The following EFHD1 variants were observed in gnomAD, a reference collection of about 807,000 sequenced individuals.
EFHD1 encodes EF-hand domain-containing protein D1.
A neutral mutation model predicts 17.2 loss-of-function variants in EFHD1; 10 were observed. The ratio of observed to expected loss-of-function variants is 0.58; its 90% CI spans 0.36 to 0.99. The LOEUF is 0.99. EFHD1 is among the 50% of genes least tolerant of loss of function. The pLI is 0.01. For missense variants in EFHD1, 310 were observed against 327.5 expected (o/e 0.95, Z 0.41); for synonymous variants, 153 against 142.0 (o/e 1.08, Z -0.55).
Position 232,615,312 on chromosome 2 carries a change from A to AGTGTGTGTGTGTGT in EFHD1, c.14+9166_14+9179dup, listed in dbSNP as rs35239145. ...CCTGCATTGTTCAAGTGTCAACTAT[A>AGTGTGTGTGTGTGT]GTGTGTGTGTGTGTGTGTGTGTGTG... On this transcript the variant is annotated intron_variant, in intron 1 of 3. Transcript: ENST00000409613. 1.4e-3 allele frequency among the ~76,000 whole-genome samples: 186 copies of AGTGTGTGTGTGTGT among 136,574 alleles called. 1 individual carries two copies. The highest frequency in any genetic ancestry group is 4.5e-3 in the South Asian group (18 of 4,002). 89.6% of individuals were successfully genotyped at this position (136,574 alleles called of 152,430 possible).
At chr2:232,645,666 C>A (rs894305246) in intron 1 of EFHD1, among the ~76,000 whole-genome samples, 1 of 152,150 alleles carries the variant, frequency 6.6e-6, no homozygotes, top group Non-Finnish European at 1.5e-5. Context: ...CATTGGGTAT[C>A]CCTAATGCCA....
In EFHD1 at chr2:232,635,584, C is replaced by T. The variant is rs545279145; in HGVS notation, c.302+1578C>T. Reference sequence around the variant, plus strand: ...CTGTAATCCCAGCACTCTGGGAGGACGAGGCAGGCGGATCACCTGGGGTCA... The same window carrying T: ...CTGTAATCCCAGCACTCTGGGAGGATGAGGCAGGCGGATCACCTGGGGTCA... On this transcript the variant is annotated intron_variant, in intron 1 of 3. Transcript: ENST00000264059. Among the ~76,000 whole-genome samples, 56 of 152,164 alleles carry T rather than the reference C, an allele frequency of 3.7e-4. 1 individual carries two copies. In the South Asian group the frequency reaches 0.011, roughly 29 times the overall value.
intron 1 of EFHD1, among the ~76,000 whole-genome samples, chr2:232,657,763 G>C (rs1015340042): frequency 4.1e-5 from 6 of 148,102 alleles, no homozygotes; most frequent in Non-Finnish European, 8.9e-5. Context: ...AGTGAGCTGA[G>C]ATCGCACCAC....
upstream of EFHD1, among the ~76,000 whole-genome samples, chr2:232,632,928 C>G (rs75852608): frequency 5.0e-3 from 767 of 152,376 alleles, 29 homozygotes; most frequent in East Asian, 0.078. Context: ...GGTTTCTTCT[C>G]TTTTCTTGTG....
chr2:232,624,609 G>A (rs1046727635), intron 1 of EFHD1, among the ~76,000 whole-genome samples: 19 of 152,264 alleles, frequency 1.2e-4, no homozygotes, highest in African/African-American at 4.6e-4. Context: ...GTGCCTGGGG[G>A]CTATCCACTG....
intron 1 of EFHD1, among the ~76,000 whole-genome samples, chr2:232,618,713 A>C (rs1233753648): frequency 2.6e-5 from 3 of 114,638 alleles, no homozygotes; most frequent in African/African-American, 6.7e-5. Flanking sequence ...ACAGAGCAAG[A>C]CTCTGTCTCA....
At chr2:232,626,498 A>G (rs1001129813) in intron 1 of EFHD1, among the ~76,000 whole-genome samples, 3 of 152,134 alleles carry the variant, frequency 2.0e-5, no homozygotes, top group African/African-American at 4.8e-5. Flanking sequence ...CAGTGAGCCA[A>G]TATTGAGCCA....
At chr2:232,633,556 C>A, upstream of EFHD1, 1 of 1,286,360 alleles carries the variant, frequency 7.8e-7, no homozygotes, top group Non-Finnish European at 9.8e-7. Flanking sequence ...CCCCGCCCGC[C>A]AGTCCGTCCT....
intron 3 of EFHD1, among the ~76,000 whole-genome samples, chr2:232,676,695 T>C (rs1007755702): frequency 1.3e-5 from 2 of 152,172 alleles, no homozygotes; most frequent in Non-Finnish European, 2.9e-5. Context: ...AAGATACAAG[T>C]TGAAACCAAG....
intron 2 of EFHD1, among the ~76,000 whole-genome samples, chr2:232,663,364 AT>A (rs1170968998): frequency 1.3e-5 from 2 of 151,814 alleles, no homozygotes; most frequent in Non-Finnish European, 2.9e-5. Context: ...CATGTGATAT[AT>A]TTTATTTATT....
intron 3 of EFHD1, among the ~76,000 whole-genome samples, chr2:232,675,620 G>T (rs921269200): frequency 6.6e-6 from 1 of 152,192 alleles, no homozygotes; most frequent in Non-Finnish European, 1.5e-5. Context: ...GAGCCGTTGA[G>T]TGTTTGAGCA....
intron 1 of EFHD1, among the ~76,000 whole-genome samples, chr2:232,655,802 C>CTTTTTTTTTTTTT (rs66762860): frequency 7.5e-6 from 1 of 133,282 alleles, no homozygotes; most frequent in Non-Finnish European, 1.6e-5. Context: ...TGTGTGGGGT[C>CTTTTTTTTTTTTT]TTTTTTTTTT....
chr2:232,613,222 A>G (rs111269685), intron 1 of EFHD1, among the ~76,000 whole-genome samples: 25,166 of 151,780 alleles, frequency 0.17, 3,007 homozygotes, highest in African/African-American at 0.34. Flanking sequence ...CCAGGAGTTC[A>G]AGACCAGCCT....
At chr2:232,634,411 T>C (rs1383782278) in intron 1 of EFHD1, among the ~76,000 whole-genome samples, 1 of 152,230 alleles carries the variant, frequency 6.6e-6, no homozygotes, top group East Asian at 1.9e-4. Context: ...AATTAGCCCC[T>C]GTTGGCCTTT....
At chr2:232,673,806 G>A (rs1695121800) in intron 3 of EFHD1, among the ~76,000 whole-genome samples, 1 of 151,994 alleles carries the variant, frequency 6.6e-6, no homozygotes. Flanking sequence ...CAGAATCTTG[G>A]CTCACTGCAA....
At chr2:232,619,464 C>A (rs1365801311) in intron 1 of EFHD1, among the ~76,000 whole-genome samples, 1 of 151,702 alleles carries the variant, frequency 6.6e-6, no homozygotes, top group Admixed American at 6.6e-5. Flanking sequence ...GCGCCTGACA[C>A]CATGCCCGGC....
Position 232,614,005 on chromosome 2 carries a change from T to C in EFHD1, c.14+7832T>C, listed in dbSNP as rs1170085263. 2.8e-5 allele frequency among the ~76,000 whole-genome samples: 4 copies of C among 144,584 alleles called. No individual in the cohort carries two copies. In the South Asian group the frequency reaches 6.6e-4, roughly 24 times the overall value. 94.9% of individuals were successfully genotyped at this position (144,584 alleles called of 152,430 possible). A position where few individuals can be genotyped will look rare whatever the true frequency, so the allele number is the denominator to read the frequency against. On this transcript the variant is annotated intron_variant, in intron 1 of 3. Transcript: ENST00000409613. Reference sequence around the variant, plus strand: ...ACACACATACATACACATGTGCACATACACATATACACACAAATACACACA... The same window carrying C: ...ACACACATACATACACATGTGCACACACACATATACACACAAATACACACA...
intron 1 of EFHD1, among the ~76,000 whole-genome samples, chr2:232,638,966 T>C (rs1694372648): frequency 6.6e-6 from 1 of 152,206 alleles, no homozygotes; most frequent in South Asian, 2.1e-4. Context: ...TCTTAGTTTC[T>C]GGCAGAAAGA....
At chr2:232,666,523 C>T (rs1229304613) in intron 2 of EFHD1, among the ~76,000 whole-genome samples, 1 of 152,210 alleles carries the variant, frequency 6.6e-6, no homozygotes, top group Non-Finnish European at 1.5e-5. Context: ...AAGATGCATT[C>T]CGCCTTCTGC....
Sources: allele counts gnomAD v4.1 joint callset (sites outside exome capture counted in the v4.1 genomes callset), GRCh38; gene constraint gnomAD v4.1.1; transcripts MANE v1.5; gene names NCBI Gene and HGNC (gene_info 2026-07-23, HGNC 2026-07-21).